The following GMDS variants were observed in gnomAD, a reference collection of about 807,000 sequenced individuals.
The protein encoded by GMDS is GDP-mannose 4,6-dehydratase, also known as GDP-mannose 4,6 dehydratase.
A neutral mutation model predicts 49.9 loss-of-function variants in GMDS; 20 were observed. The observed-to-expected ratio is 0.40, with a 90% confidence interval of 0.28 to 0.58. The LOEUF (loss-of-function observed/expected upper bound fraction) is 0.58. Ranked by LOEUF, GMDS falls within the 20% of genes least tolerant of loss-of-function variation. The probability of loss-of-function intolerance (pLI) is 0.42; values close to 1 mark genes in which losing one functional copy is unlikely to be tolerated. For synonymous variants in GMDS, 177 were observed against 178.6 expected (o/e 0.99, Z 0.07); for missense variants, 362 against 481.4 (o/e 0.75, Z 2.32).
intron 4 of GMDS, among the ~76,000 whole-genome samples, chr6:2,039,357 A>G (rs1468653867): frequency 6.6e-6 from 1 of 152,166 alleles, no homozygotes; most frequent in African/African-American, 2.4e-5. Context: ...TTATGGACTA[A>G]TATGGACTTT....
At chr6:2,062,561 A>G (rs1217661379) in intron 4 of GMDS, among the ~76,000 whole-genome samples, 2 of 152,186 alleles carry the variant, frequency 1.3e-5, no homozygotes, top group African/African-American at 4.8e-5. Flanking sequence ...CATAATGTAT[A>G]TATACATAAA....
intron 8 of GMDS, among the ~76,000 whole-genome samples, chr6:1,729,463 G>A (rs894455368): frequency 1.3e-5 from 2 of 152,230 alleles, no homozygotes; most frequent in South Asian, 2.1e-4. Flanking sequence ...ATGAGCAAAT[G>A]TAATCAGGAA....
At chr6:2,158,926 C>A (rs749205239) in intron 1 of GMDS, among the ~76,000 whole-genome samples, 1 of 152,164 alleles carries the variant, frequency 6.6e-6, no homozygotes, top group African/African-American at 2.4e-5. Flanking sequence ...CTACTTACAT[C>A]AAAAAGCATC....
At chr6:1,729,096 C>T (rs1359317837) in intron 8 of GMDS, among the ~76,000 whole-genome samples, 1 of 152,140 alleles carries the variant, frequency 6.6e-6, no homozygotes, top group East Asian at 1.9e-4. Flanking sequence ...GCATTTAATT[C>T]CTGTTTATAG....
In GMDS at chr6:1,640,704, A is replaced by G. The variant is rs995000997; in HGVS notation, c.988-16164T>C. ...CCCAGGGCTGCCGACACAGCAGCCA[A>G]CCAGACACACGGGGAGCTCATGTTC... is the stretch of plus-strand genomic sequence containing the variant. On this transcript the variant is annotated intron_variant, in intron 9 of 10. Coordinates refer to ENST00000380815, the MANE Select transcript of GMDS (RefSeq NM_001500.4). This position sits in a 1 kb window ranked among gnomAD's most constrained non-coding sequence, Gnocchi z 4.0. Among the ~76,000 whole-genome samples, 1 of 152,236 alleles carries G rather than the reference A, an allele frequency of 6.6e-6. No homozygotes were observed. Among genetic ancestry groups the G allele is most frequent in the East Asian group, 1.9e-4 (1 of 5,194 alleles).
At chr6:1,856,211 T>C (rs1757931475) in intron 7 of GMDS, among the ~76,000 whole-genome samples, 1 of 152,204 alleles carries the variant, frequency 6.6e-6, no homozygotes, top group Admixed American at 6.5e-5. Flanking sequence ...GTCTTTAAAA[T>C]ACCCTAACTT....
intron 7 of GMDS, among the ~76,000 whole-genome samples, chr6:1,914,935 G>T (rs1761296963): frequency 6.6e-6 from 1 of 152,232 alleles, no homozygotes; most frequent in Admixed American, 6.5e-5. Flanking sequence ...GTGCGAGGTT[G>T]TCATGACCTT....
chr6:1,821,849 G>C (rs1032288054), intron 7 of GMDS, among the ~76,000 whole-genome samples: 1 of 151,960 alleles, frequency 6.6e-6, no homozygotes, highest in African/African-American at 2.4e-5. Flanking sequence ...GTCTTGCGGC[G>C]GGGGAGGGGA....
At chr6:1,807,884 T>A (rs549924882) in intron 7 of GMDS, among the ~76,000 whole-genome samples, 162 of 152,094 alleles carry the variant, frequency 1.1e-3, no homozygotes, top group African/African-American at 3.7e-3. Context: ...ATGAAAAAAA[T>A]TATAAACTGG....
intron 9 of GMDS, among the ~76,000 whole-genome samples, chr6:1,725,166 G>T (rs1416602286): frequency 6.6e-6 from 1 of 152,158 alleles, no homozygotes; most frequent in African/African-American, 2.4e-5. Flanking sequence ...TGTTCACTAG[G>T]TAACACATAT....
chr6:1,932,166 A>C (rs977906044), intron 6 of GMDS, among the ~76,000 whole-genome samples: 1 of 152,160 alleles, frequency 6.6e-6, no homozygotes, highest in Non-Finnish European at 1.5e-5. Flanking sequence ...AGGCAGGAGG[A>C]ACGGCACTTG....
intron 1 of GMDS, among the ~76,000 whole-genome samples, chr6:2,211,392 A>G (rs1213506050): frequency 6.6e-6 from 1 of 152,192 alleles, no homozygotes. Flanking sequence ...TCAAGTATCT[A>G]TTTGTTTTCC....
intron 4 of GMDS, among the ~76,000 whole-genome samples, chr6:1,991,202 G>A (rs1259705031): frequency 2.0e-5 from 3 of 151,908 alleles, no homozygotes; most frequent in African/African-American, 2.4e-5. Context: ...CCTTCTTTCT[G>A]CCTCTTAGTG....
chr6:1,965,681 A>T (rs1426477343), intron 4 of GMDS, among the ~76,000 whole-genome samples: 1 of 152,046 alleles, frequency 6.6e-6, no homozygotes, highest in Non-Finnish European at 1.5e-5. Flanking sequence ...AAAGTAAAAA[A>T]AATTAGCCGG....
intron 9 of GMDS, among the ~76,000 whole-genome samples, chr6:1,691,589 A>C (rs1024922484): frequency 6.6e-6 from 1 of 152,226 alleles, no homozygotes; most frequent in Non-Finnish European, 1.5e-5. Context: ...AATACGTCTT[A>C]AGTGTCCCTT....
At chr6:1,924,952 T>C (rs1761919233) in intron 7 of GMDS, among the ~76,000 whole-genome samples, 1 of 102,578 alleles carries the variant, frequency 9.7e-6, no homozygotes. Context: ...CGAGACTCCG[T>C]CTCAAAAAAA....
At chr6:1,786,257 AG>A (rs1769316087) in intron 7 of GMDS, among the ~76,000 whole-genome samples, 1 of 152,266 alleles carries the variant, frequency 6.6e-6, no homozygotes, top group Admixed American at 6.5e-5. Context: ...GCCATCAATG[AG>A]GTTGATAACT....
chr6:1,957,223 T>C (rs1345920140), intron 6 of GMDS, among the ~76,000 whole-genome samples: 1 of 152,236 alleles, frequency 6.6e-6, no homozygotes, highest in African/African-American at 2.4e-5. Context: ...AGTAAGCTGT[T>C]CCTGAAACAT....
chr6:1,854,729 C>A (rs1298678158), intron 7 of GMDS, among the ~76,000 whole-genome samples: 1 of 152,226 alleles, frequency 6.6e-6, no homozygotes, highest in Non-Finnish European at 1.5e-5. Context: ...CATTCATGAG[C>A]AGCCTTATCT....
Sources: gnomAD v4.1 joint callset for allele counts (sites outside exome capture counted in the v4.1 genomes callset) on GRCh38, gnomAD v4.1.1 for gene constraint, Gnocchi (gnomAD v3.1) non-coding constraint, MANE v1.5 for transcripts, NCBI Gene and HGNC (gene_info 2026-07-23, HGNC 2026-07-21) for gene names.